Variants in ALX1 observed in about 807,000 individuals in gnomAD.
ALX1 encodes ALX homeobox 1, also known as ALX homeobox protein 1.
In ALX1, 19 loss-of-function variants were observed where a neutral mutation model predicts 31.7. That is an observed-to-expected ratio of 0.60 (90% CI 0.42 to 0.88). The LOEUF (loss-of-function observed/expected upper bound fraction) is 0.88. Among genes scored for constraint, ALX1 ranks in the 40% least tolerant of loss-of-function variants. The pLI is 0.00. For synonymous variants in ALX1, 153 were observed against 148.8 expected (o/e 1.03, Z -0.20); for missense variants, 415 against 407.8 (o/e 1.02, Z -0.15).
chr12:85,284,234 C>T lies in ALX1; in HGVS notation c.531+358C>T, dbSNP rs11116767. Among the ~76,000 whole-genome samples, 414 of 129,622 alleles carry T rather than the reference C, an allele frequency of 3.2e-3. 4 individuals carry two copies. Among genetic ancestry groups the T allele is most frequent in the African/African-American group, 0.01 (357 of 35,098 alleles). 85.0% of individuals were successfully genotyped at this position (129,622 alleles called of 152,430 possible). The stretch of plus-strand genomic sequence containing the variant: ...GTATATTTATTTGTTTTTTTTTTTT[C>T]GGTTTTATTAGCCACTAAGGTTCTT... On this transcript the variant is annotated intron_variant, in intron 2 of 3. Coordinates refer to ENST00000316824, the MANE Select transcript of ALX1 (RefSeq NM_006982.3).
At chr12:85,284,340 AT>A (rs1401499596) in intron 2 of ALX1, among the ~76,000 whole-genome samples, 1 of 150,582 alleles carries the variant, frequency 6.6e-6, no homozygotes, top group Non-Finnish European at 1.5e-5. Context: ...TGGAGGCATA[AT>A]AAAAAAAAAA....
chr12:85,296,113 T>C (rs1425795762), intron 3 of ALX1, among the ~76,000 whole-genome samples: 1 of 151,498 alleles, frequency 6.6e-6, no homozygotes, highest in Non-Finnish European at 1.5e-5. Flanking sequence ...ACTCACTATA[T>C]AAAATCAGTA....
chr12:85,286,048 TG>T (rs532546769), intron 2 of ALX1, among the ~76,000 whole-genome samples: 1 of 151,972 alleles, frequency 6.6e-6, no homozygotes, highest in Non-Finnish European at 1.5e-5. Flanking sequence ...TAGACTTTCT[TG>T]ACACTTGGTT....
Position 85,283,688 on chromosome 12 carries a change from G to A in ALX1, c.343G>A (p.Glu115Lys). ...SPVKGMQEKG[E>K]LDELGDKCDS... ...CGTGAAAGGGATGCAAGAGAAGGGA[G>A]AGCTGGATGAACTTGGGGATAAATG... Residue 115 changes from glutamate to lysine, a missense_variant, in exon 2 of 4, where the codon GAG becomes AAG. Glu to Lys is a moderately conservative substitution (Grantham distance 56). Transcript: ENST00000316824. The A allele has an allele frequency of 6.2e-7, 1 of 1,614,152 alleles. No individual in the cohort carries two copies. Among genetic ancestry groups the A allele is most frequent in the Non-Finnish European group, 8.5e-7 (1 of 1,180,014 alleles).
intron 1 of ALX1, among the ~76,000 whole-genome samples, chr12:85,282,244 GTT>G (rs956403875): frequency 6.6e-6 from 1 of 151,266 alleles, no homozygotes; most frequent in African/African-American, 2.4e-5. Context: ...TAAAAAATTT[GTT>G]ATATATATAT....
intron 3 of ALX1, among the ~76,000 whole-genome samples, chr12:85,299,820 A>G (rs1896940007): frequency 6.6e-6 from 1 of 151,936 alleles, no homozygotes; most frequent in African/African-American, 2.4e-5. Flanking sequence ...AGACTACACC[A>G]GACCTTATAT....
At chr12:85,299,217 G>A (rs1896928290) in intron 3 of ALX1, among the ~76,000 whole-genome samples, 1 of 150,212 alleles carries the variant, frequency 6.7e-6, no homozygotes, top group African/African-American at 2.4e-5. Context: ...GGTTTTTGCC[G>A]AGTAGCACAA....
intron 3 of ALX1, among the ~76,000 whole-genome samples, chr12:85,288,665 T>C (rs1424140404): frequency 1.3e-5 from 2 of 151,478 alleles, no homozygotes; most frequent in Non-Finnish European, 3.0e-5. Context: ...CATTTAATCC[T>C]CACAACAACC....
In ALX1 at chr12:85,301,295, C is replaced by T. The variant is rs1033010917; in HGVS notation, c.801C>T (p.Asn267=). Residue 267 remains asparagine (N), a synonymous_variant, in exon 4 of 4, where the codon AAC becomes AAT. Transcript: ENST00000316824. ...ATTCCAGTTACACGGGGTTTTCAAA[C>T]CACCAGAACCAGTTCAGCCACGTGC... is the stretch of plus-strand genomic sequence containing the variant. The part of the protein sequence containing the change: ...RTDSSYTGFS[N]HQNQFSHVPL... 6 of 1,613,914 alleles carry T rather than the reference C, an allele frequency of 3.7e-6. No individual in the cohort carries two copies. The highest frequency in any genetic ancestry group is 1.6e-4 in the Middle Eastern group (1 of 6,084).
At chr12:85,288,891 C>G (rs1173163940) in intron 3 of ALX1, among the ~76,000 whole-genome samples, 2 of 151,306 alleles carry the variant, frequency 1.3e-5, no homozygotes, top group African/African-American at 4.8e-5. Context: ...GGAGCCACAA[C>G]CAGAGAAATA....
intron 3 of ALX1, among the ~76,000 whole-genome samples, chr12:85,297,870 A>G (rs760109487): frequency 1.3e-5 from 2 of 151,846 alleles, no homozygotes; most frequent in Non-Finnish European, 3.0e-5. Context: ...GATCACTGTT[A>G]AGATTATTGA....
chr12:85,282,404 C>T (rs1039760701), intron 1 of ALX1, among the ~76,000 whole-genome samples: 5 of 151,836 alleles, frequency 3.3e-5, no homozygotes, highest in Non-Finnish European at 7.4e-5. Flanking sequence ...GAGAGTTACT[C>T]CGTTAGTGAC....
intron 3 of ALX1, among the ~76,000 whole-genome samples, chr12:85,298,901 A>T (rs1204640191): frequency 1.3e-5 from 2 of 151,692 alleles, no homozygotes; most frequent in African/African-American, 2.4e-5. Context: ...TTATAGGTAG[A>T]TTTATGTTAA....
Position 85,283,803 on chromosome 12 carries a change from A to G in ALX1, c.458A>G (p.Lys153Arg), listed in dbSNP as rs778492065. The change falls in exon 2 of 4, where the codon AAA becomes AGA. Residue 153 changes from lysine to arginine, a missense_variant. By Grantham distance (26) the Lys-to-Arg change is conservative. This residue lies in a region of ALX1 where 235 missense variants were observed against 208.9 expected (regional missense o/e 1.13). Coordinates refer to ENST00000316824, the MANE Select transcript of ALX1 (RefSeq NM_006982.3). The stretch of plus-strand genomic sequence containing the variant: ...GAGGAGCTGGAGAAAGTCTTTCAGA[A>G]AACTCATTACCCGGATGTGTATGTC... ...QLEELEKVFQKTHYPDVYVRE... is the reference protein window; with the variant it reads ...QLEELEKVFQRTHYPDVYVRE... 4.3e-6 allele frequency: 7 copies of G among 1,614,006 alleles called. No homozygotes were observed. The highest frequency in any genetic ancestry group is 1.1e-5 in the South Asian group (1 of 91,086).
At chr12:85,290,860 C>T (rs12319217) in intron 3 of ALX1, among the ~76,000 whole-genome samples, 30,539 of 150,864 alleles carry the variant, frequency 0.2, 7,141 homozygotes, top group African/African-American at 0.57. Context: ...ACATCACTTT[C>T]TCACTGACAT....
chr12:85,284,146 T>G (rs1199134365), intron 2 of ALX1, among the ~76,000 whole-genome samples: 1 of 150,998 alleles, frequency 6.6e-6, no homozygotes, highest in African/African-American at 2.4e-5. Flanking sequence ...TGATAATATA[T>G]CTCTGATTTT....
In ALX1 at chr12:85,296,980, G is replaced by A. The variant is rs554673457; in HGVS notation, c.661-4175G>A. On this transcript the variant is annotated intron_variant, in intron 3 of 3. Coordinates refer to ENST00000316824, the MANE Select transcript of ALX1 (RefSeq NM_006982.3). ...TTTTTCCTTTAACGAATCAGAGTGC[G>A]ATTTTGATGGGCTTCCCAGTTGACA... Among the ~76,000 whole-genome samples, 43 of 151,692 alleles carry A rather than the reference G, an allele frequency of 2.8e-4. 1 individual carries two copies. Among genetic ancestry groups the A allele is most frequent in the South Asian group, 8.3e-4 (4 of 4,822 alleles).
chr12:85,286,900 T>C lies in ALX1; in HGVS notation c.579T>C (p.Tyr193=). Residue 193 remains tyrosine, a synonymous_variant, in exon 3 of 4, where the codon TAT becomes TAC. Coordinates refer to ENST00000316824, the MANE Select transcript of ALX1 (RefSeq NM_006982.3). The part of the protein sequence containing the change: ...RRAKWRKRER[Y]GQIQQAKSHF... ...CCAAATGGAGAAAAAGGGAACGTTA[T>C]GGCCAAATACAACAAGCGAAAAGCC... 1 of 1,612,018 alleles carries C rather than the reference T, an allele frequency of 6.2e-7. No homozygotes were observed. Among genetic ancestry groups the C allele is most frequent in the South Asian group, 1.1e-5 (1 of 90,982 alleles).
At chr12:85,292,774 T>C (rs1424207156) in intron 3 of ALX1, among the ~76,000 whole-genome samples, 2 of 150,964 alleles carry the variant, frequency 1.3e-5, no homozygotes, top group Non-Finnish European at 3.0e-5. Context: ...TTAATGGTTG[T>C]CTTAACTTAA....
Sources: allele counts gnomAD v4.1 joint callset (sites outside exome capture counted in the v4.1 genomes callset), GRCh38; gene constraint gnomAD v4.1.1; regional missense constraint gnomAD v4.1.1; transcripts MANE v1.5; gene names NCBI Gene and HGNC (gene_info 2026-07-23, HGNC 2026-07-21).